The following PCDHGA11 variants were observed in gnomAD, a reference collection of about 807,000 sequenced individuals.
The protein encoded by PCDHGA11 is protocadherin gamma subfamily A, 11, also known as protocadherin gamma-A11.
In PCDHGA11, 39 loss-of-function variants were observed where a neutral mutation model predicts 60.4. That is an observed-to-expected ratio of 0.65 (90% CI 0.50 to 0.84). The LOEUF (loss-of-function observed/expected upper bound fraction) is 0.84. Ranked by LOEUF, PCDHGA11 falls within the 40% of genes least tolerant of loss-of-function variation. The probability of loss-of-function intolerance (pLI) is 0.00; values close to 1 mark genes in which losing one functional copy is unlikely to be tolerated. For synonymous variants in PCDHGA11, 533 were observed against 510.3 expected (o/e 1.04, Z -0.60); for missense variants, 1,165 against 1,197.7 (o/e 0.97, Z 0.40).
intron 3 of PCDHGA11, among the ~76,000 whole-genome samples, chr5:141,509,069 G>A (rs1463164307): frequency 2.6e-5 from 4 of 152,174 alleles, no homozygotes; most frequent in African/African-American, 9.7e-5. Context: ...CTCAGCTCCG[G>A]GGATTTGCGA....
rs752155536 is a variant in PCDHGA11, at chr5:141,477,181, C to T, written c.2434-17626C>T. The T allele has an allele frequency of 2.5e-6, 4 of 1,614,182 alleles. No individual in the cohort carries two copies. In the Admixed American group the frequency reaches 6.7e-5, roughly 27 times the overall value. ...ACAACGCCCCGGAGATCACAGTCACCTCCGTGTACAGCCCAGTACCCGAGG... is the reference window on the plus strand; with the variant it reads ...ACAACGCCCCGGAGATCACAGTCACTTCCGTGTACAGCCCAGTACCCGAGG... On this transcript the variant is annotated intron_variant, in intron 1 of 3. Transcript: ENST00000398587. This position sits in a 1 kb window ranked among gnomAD's most constrained non-coding sequence, Gnocchi z 4.9.
chr5:141,447,018 G>GT (rs1329161304), intron 1 of PCDHGA11, among the ~76,000 whole-genome samples: 6 of 142,194 alleles, frequency 4.2e-5, no homozygotes, highest in African/African-American at 1.6e-4. Context: ...GTTCAGTTTT[G>GT]TTTTGTTTTT....
In PCDHGA11 at chr5:141,422,676, A is replaced by C. The variant is rs1245488589; in HGVS notation, c.1449A>C (p.Lys483Asn). Residue 483 changes from lysine to asparagine, a missense_variant, in exon 1 of 4, where the codon AAA becomes AAC. Transcript: ENST00000398587. ...TGACCGCCCTCGACCCGGACAGCAA[A>C]CAGAATGCCCTGGTCACTTACTCTC... ...FSVTALDPDS[K>N]QNALVTYSLT... 1 of 1,606,500 alleles carries C rather than the reference A, an allele frequency of 6.2e-7. No homozygotes were observed. The highest frequency in any genetic ancestry group is 1.7e-5 in the Admixed American group (1 of 59,614).
rs748950800 is a variant in PCDHGA11, at chr5:141,476,983, C to T, written c.2434-17824C>T. ...ACTCCTTCGGCAGCCACAACCGCGC[C>T]GGCGTGCGGCAACTATTCGCCTTAG... On this transcript the variant is annotated intron_variant, in intron 1 of 3. Transcript: ENST00000398587. The surrounding 1 kb of genome is among the most constrained non-coding windows in gnomAD (Gnocchi z 7.6). 12 of 1,614,096 alleles carry T rather than the reference C, an allele frequency of 7.4e-6. No individual in the cohort carries two copies. The highest frequency in any genetic ancestry group is 8.5e-7 in the Non-Finnish European group (1 of 1,180,046).
chr5:141,478,700 C>T (rs1171617240), intron 1 of PCDHGA11: 2 of 1,549,172 alleles, frequency 1.3e-6, no homozygotes, highest in South Asian at 1.2e-5. Flanking sequence ...AAAGTTAGTG[C>T]CTTTGTGAGA....
chr5:141,490,869 A>G lies in PCDHGA11; in HGVS notation c.2434-3938A>G, dbSNP rs764138126. ...GGGTTCGAGACTCCGGCTCTCCCCCATTGCATGCCAACACATCTCTGCATG... is the reference window on the plus strand; with the variant it reads ...GGGTTCGAGACTCCGGCTCTCCCCCGTTGCATGCCAACACATCTCTGCATG... On this transcript the variant is annotated intron_variant, in intron 1 of 3. Transcript: ENST00000398587. This position sits in a 1 kb window ranked among gnomAD's most constrained non-coding sequence, Gnocchi z 5.4. 4.3e-6 allele frequency: 7 copies of G among 1,613,784 alleles called. No homozygotes were observed. The highest frequency in any genetic ancestry group is 1.7e-5 in the Admixed American group (1 of 60,004).
At position 141,431,998 on chromosome 5, in the gene PCDHGA11, A is replaced by G. The variant is rs201105272; in HGVS notation, c.2433+8338A>G. The G allele has an allele frequency of 1.2e-6, 2 of 1,614,176 alleles. No homozygotes were observed. Among genetic ancestry groups the G allele is most frequent in the Admixed American group, 1.7e-5 (1 of 60,030 alleles). On this transcript the variant is annotated intron_variant, in intron 1 of 3. Coordinates refer to ENST00000398587, the MANE Select transcript of PCDHGA11 (RefSeq NM_018914.3). This position sits in a 1 kb window ranked among gnomAD's most constrained non-coding sequence, Gnocchi z 4.8. The stretch of plus-strand genomic sequence containing the variant: ...TCACAGACATAGTCTTGGATAGGGA[A>G]CAGGTTCCTAGCTACAACATCACAG...
At chr5:141,472,980 C>CAAAAAAAAAAAAAAAAGAAAA (rs2099308501) in intron 1 of PCDHGA11, among the ~76,000 whole-genome samples, 1 of 86,106 alleles carries the variant, frequency 1.2e-5, no homozygotes, top group Non-Finnish European at 2.5e-5. Context: ...GAGTGAAACT[C>CAAAAAAAAAAAAAAAAGAAAA]AAAAAAAAAA....
Position 141,491,711 on chromosome 5 carries a change from C to A in PCDHGA11, c.2434-3096C>A, listed in dbSNP as rs528931820. ...CGGGAGCGGAGCCAGGTGAGGGGCT[C>A]GGCGCCGCCCCGGGCGACCCCTGGG... On this transcript the variant is annotated intron_variant, in intron 1 of 3. Coordinates refer to ENST00000398587, the MANE Select transcript of PCDHGA11 (RefSeq NM_018914.3). The surrounding 1 kb of genome is among the most constrained non-coding windows in gnomAD (Gnocchi z 6.9). 1.3e-4 allele frequency: 217 copies of A among 1,609,356 alleles called. 3 individuals are homozygous for A. In the South Asian group the frequency reaches 2.2e-3, roughly 17 times the overall value.
intron 3 of PCDHGA11, among the ~76,000 whole-genome samples, chr5:141,509,092 G>T (rs943269087): frequency 1.3e-5 from 2 of 152,180 alleles, no homozygotes; most frequent in African/African-American, 4.8e-5. Context: ...TGAAATGGGG[G>T]CTGTAGAAAC....
At chr5:141,435,376 A>G (rs1358757887) in intron 1 of PCDHGA11, among the ~76,000 whole-genome samples, 1 of 152,200 alleles carries the variant, frequency 6.6e-6, no homozygotes, top group Non-Finnish European at 1.5e-5. Flanking sequence ...TAAATATACA[A>G]TATACCGTAT....
rs756549446 is a variant in PCDHGA11 at position 141,477,301 on chromosome 5, C to G, written c.2434-17506C>G. 32 of 1,614,042 alleles carry G rather than the reference C, an allele frequency of 2.0e-5. 2 individuals carry two copies. In the South Asian group the frequency reaches 3.4e-4, roughly 17 times the overall value. On this transcript the variant is annotated intron_variant, in intron 1 of 3. Coordinates refer to ENST00000398587, the MANE Select transcript of PCDHGA11 (RefSeq NM_018914.3). The surrounding 1 kb of genome is among the most constrained non-coding windows in gnomAD (Gnocchi z 4.9). The stretch of plus-strand genomic sequence containing the variant: ...TGACCTGCGAAGTTCCACCGGGTCT[C>G]CCTTTCAGCCTTACTTCTTCCCTCA...
intron 1 of PCDHGA11, chr5:141,428,285 C>CA (rs2097130658): frequency 2.7e-6 from 2 of 734,934 alleles, no homozygotes; most frequent in Non-Finnish European, 4.7e-6. Context: ...GATTCCCAAG[C>CA]AAAGCTGCAG....
chr5:141,489,896 C>T lies in PCDHGA11; in HGVS notation c.2434-4911C>T, dbSNP rs765318875. 3 of 1,614,180 alleles carry T rather than the reference C, an allele frequency of 1.9e-6. No homozygotes were observed. The highest frequency in any genetic ancestry group is 1.3e-5 in the African/African-American group (1 of 75,066). On this transcript the variant is annotated intron_variant, in intron 1 of 3. Coordinates refer to ENST00000398587, the MANE Select transcript of PCDHGA11 (RefSeq NM_018914.3). The surrounding 1 kb of genome is among the most constrained non-coding windows in gnomAD (Gnocchi z 4.5). ...GTGCTTACTGCTGTGGATGGGGGGA[C>T]CCCAGCCCGCTCAGGGACCACCCTT...
rs539406412 is a variant in PCDHGA11, at chr5:141,427,895, G to A, written c.2433+4235G>A. ...CGATGCAGGCCCACGACCAGGGCTCGCCCGCGCTCAGCGCCAACATGAGCC... is the reference window on the plus strand; with the variant it reads ...CGATGCAGGCCCACGACCAGGGCTCACCCGCGCTCAGCGCCAACATGAGCC... On this transcript the variant is annotated intron_variant, in intron 1 of 3. Transcript: ENST00000398587. 373 of 1,569,222 alleles carry A rather than the reference G, an allele frequency of 2.4e-4. 2 individuals are homozygous for A. In the South Asian group the frequency reaches 3.9e-3, roughly 17 times the overall value.
chr5:141,501,182 C>A (rs531641143), intron 2 of PCDHGA11, among the ~76,000 whole-genome samples: 1 of 152,126 alleles, frequency 6.6e-6, no homozygotes, highest in Non-Finnish European at 1.5e-5. Context: ...TACATTTTAA[C>A]ACAATTAAAT....
chr5:141,508,409 G>T (rs143032030), intron 3 of PCDHGA11: 4 of 152,276 alleles, frequency 2.6e-5, no homozygotes, highest in South Asian at 2.1e-4. Context: ...CTTGAGCCAC[G>T]CAGAGACTTG....
chr5:141,489,571 G>A lies in PCDHGA11; in HGVS notation c.2434-5236G>A, dbSNP rs1206848223. The A allele has an allele frequency of 1.9e-6, 3 of 1,613,884 alleles. No individual in the cohort carries two copies. The highest frequency in any genetic ancestry group is 2.2e-5 in the South Asian group (2 of 91,070). On this transcript the variant is annotated intron_variant, in intron 1 of 3. Transcript: ENST00000398587. The surrounding 1 kb of genome is among the most constrained non-coding windows in gnomAD (Gnocchi z 4.5). ...CCTGCTGCCAGTGCAGGTGGTGACT[G>A]AACACCCCCTGGAGCTAATCCGTGT...
Position 141,485,835 on chromosome 5 carries a change from C to T in PCDHGA11, c.2434-8972C>T, listed in dbSNP as rs747722740. On this transcript the variant is annotated intron_variant, in intron 1 of 3. Transcript: ENST00000398587. This position sits in a 1 kb window ranked among gnomAD's most constrained non-coding sequence, Gnocchi z 5.7. ...ACTGCTGTCGATGGAGGGAACCCGC[C>T]GAGATCTGGCACCGCAGAGCTCCGG... 6.2e-7 allele frequency: 1 copy of T among 1,614,190 alleles called. No homozygotes were observed. Among genetic ancestry groups the T allele is most frequent in the Non-Finnish European group, 8.5e-7 (1 of 1,180,048 alleles).
Sources: allele counts gnomAD v4.1 joint callset (sites outside exome capture counted in the v4.1 genomes callset), GRCh38; gene constraint gnomAD v4.1.1; non-coding constraint Gnocchi (gnomAD v3.1); transcripts MANE v1.5; gene names NCBI Gene and HGNC (gene_info 2026-07-23, HGNC 2026-07-21).